The following LRCH1 variants were observed in gnomAD, a reference collection of about 807,000 sequenced individuals.
LRCH1 encodes leucine-rich repeat and calponin homology domain-containing protein 1.
In LRCH1, 23 loss-of-function variants were observed where a neutral mutation model predicts 94.9. The ratio of observed to expected loss-of-function variants is 0.24; its 90% CI spans 0.17 to 0.34. The LOEUF (loss-of-function observed/expected upper bound fraction) is 0.34, where lower values mean the gene tolerates loss of function less well. Among genes scored for constraint, LRCH1 ranks in the 10% least tolerant of loss-of-function variants. LRCH1 has a pLI of 1.00. For missense variants in LRCH1, 790 were observed against 945.9 expected (o/e 0.84, Z 2.16); for synonymous variants, 364 against 354.9 (o/e 1.03, Z -0.29).
In LRCH1 at chr13:46,577,621, A is replaced by G. The variant is rs546494179; in HGVS notation, c.307+23918A>G. 1.4e-4 allele frequency among the ~76,000 whole-genome samples: 21 copies of G among 152,350 alleles called. 2 individuals carry two copies. In the South Asian group the frequency reaches 2.9e-3, roughly 21 times the overall value. ...ATGAATGAAATGAATGAATTCTGATAGCTGGAAGCACAGCAACTAGCTTTT... is the reference window on the plus strand; with the variant it reads ...ATGAATGAAATGAATGAATTCTGATGGCTGGAAGCACAGCAACTAGCTTTT... On this transcript the variant is annotated intron_variant, in intron 1 of 19. Coordinates refer to ENST00000389797, the MANE Select transcript of LRCH1 (RefSeq NM_001164211.2).
At chr13:46,751,178 A>G (rs1293123909) in exon 19 of LRCH1, 3 of 152,148 alleles carry the variant, frequency 2.0e-5, no homozygotes, top group Admixed American at 2.0e-4. Flanking sequence ...TTTGGATGCA[A>G]ATTGTAAATT....
intron 16 of LRCH1, among the ~76,000 whole-genome samples, chr13:46,720,533 G>C (rs950850726): frequency 1.3e-5 from 2 of 152,118 alleles, no homozygotes; most frequent in African/African-American, 4.8e-5. Context: ...TGCTCACAGT[G>C]GGGGCTGCTT....
intron 18 of LRCH1, among the ~76,000 whole-genome samples, chr13:46,732,181 A>C (rs1873143644): frequency 6.6e-6 from 1 of 152,200 alleles, no homozygotes; most frequent in South Asian, 2.1e-4. Flanking sequence ...AAAGCATTCT[A>C]ATTCTTCATT....
Position 46,553,639 on chromosome 13 carries a change from G to A in LRCH1, c.243G>A (p.Arg81=). Residue 81 remains arginine, a synonymous_variant, in exon 1 of 20, where the codon AGG becomes AGA. Coordinates refer to ENST00000389797, the MANE Select transcript of LRCH1 (RefSeq NM_001164211.2). ...CCGGGGGGCTGAACCTGAGCGCCAGGAAATTGAAGGAATTTCCCCGTACCG... is the reference window on the plus strand; with the variant it reads ...CCGGGGGGCTGAACCTGAGCGCCAGAAAATTGAAGGAATTTCCCCGTACCG... ...ANSGGLNLSA[R]KLKEFPRTAA... is the part of the protein sequence containing the mutation. 3 of 1,603,354 alleles carry A rather than the reference G, an allele frequency of 1.9e-6. No homozygotes were observed. Among genetic ancestry groups the A allele is most frequent in the South Asian group, 2.2e-5 (2 of 89,326 alleles).
Position 46,617,890 on chromosome 13 carries a change from T to C in LRCH1, c.308-32311T>C, listed in dbSNP as rs941198640. Among the ~76,000 whole-genome samples the C allele has an allele frequency of 2.0e-5, 3 of 152,330 alleles. 1 individual carries two copies. The Middle Eastern group carries it at 0.01, about 518-fold the overall frequency. On this transcript the variant is annotated intron_variant, in intron 1 of 19. Transcript: ENST00000389797. ...TTCATTTGTTTATTCCTTCAACAAA[T>C]ATTTTTGAGAATTTGCTGAGCACTA...
At chr13:46,704,303 G>A (rs1237277463) in intron 11 of LRCH1, among the ~76,000 whole-genome samples, 2 of 151,968 alleles carry the variant, frequency 1.3e-5, no homozygotes, top group Non-Finnish European at 2.9e-5. Context: ...ACATTTCATA[G>A]ATCCAGGAAT....
chr13:46,629,306 G>A (rs1001495393), intron 1 of LRCH1, among the ~76,000 whole-genome samples: 17 of 151,910 alleles, frequency 1.1e-4, no homozygotes, highest in African/African-American at 3.1e-4. Context: ...GCCCATTTCT[G>A]TTTTTTATTT....
chr13:46,729,756 G>A (rs1332278412), intron 18 of LRCH1, among the ~76,000 whole-genome samples: 1 of 152,138 alleles, frequency 6.6e-6, no homozygotes, highest in Non-Finnish European at 1.5e-5. Flanking sequence ...GAGGATTTTA[G>A]GGATAGCCCT....
intron 6 of LRCH1, among the ~76,000 whole-genome samples, chr13:46,688,237 A>C (rs906491388): frequency 6.6e-6 from 1 of 152,260 alleles, no homozygotes; most frequent in Non-Finnish European, 1.5e-5. Flanking sequence ...CCTAATCAAT[A>C]ATCAGTTCTT....
chr13:46,600,784 T>C (rs1454261809), intron 1 of LRCH1, among the ~76,000 whole-genome samples: 2 of 152,244 alleles, frequency 1.3e-5, no homozygotes, highest in Non-Finnish European at 2.9e-5. Flanking sequence ...CATCATGCAG[T>C]TTAACAAATA....
chr13:46,744,683 G>A lies in LRCH1; in HGVS notation c.*2835G>A, dbSNP rs566571842. 2.0e-6 allele frequency: 2 copies of A among 985,434 alleles called. No individual in the cohort carries two copies. The highest frequency in any genetic ancestry group is 3.5e-5 in the African/African-American group (2 of 57,350). 61.0% of individuals were successfully genotyped at this position (985,434 alleles called of 1,614,324 possible). A position where few individuals can be genotyped will look rare whatever the true frequency, so the allele number is the denominator to read the frequency against. ...GCTGGGTTATCTCTCGAAAACTCATGTAGATGCCTGATTGAGTCATAAGGA... is the reference window on the plus strand; with the variant it reads ...GCTGGGTTATCTCTCGAAAACTCATATAGATGCCTGATTGAGTCATAAGGA... On this transcript the variant is annotated 3_prime_UTR_variant, in exon 20 of 20. Transcript: ENST00000389797.
chr13:46,648,954 G>A (rs895334100), intron 1 of LRCH1, among the ~76,000 whole-genome samples: 1 of 152,112 alleles, frequency 6.6e-6, no homozygotes, highest in Non-Finnish European at 1.5e-5. Context: ...TGTTTTGATA[G>A]TATAAGATCC....
intron 2 of LRCH1, among the ~76,000 whole-genome samples, chr13:46,650,648 G>C (rs1451439400): frequency 2.1e-5 from 3 of 143,010 alleles, no homozygotes; most frequent in Non-Finnish European, 4.5e-5. Flanking sequence ...TTGTCTTCAA[G>C]TATTCATGTA....
chr13:46,647,703 T>A (rs1488840554), intron 1 of LRCH1, among the ~76,000 whole-genome samples: 1 of 152,190 alleles, frequency 6.6e-6, no homozygotes, highest in East Asian at 1.9e-4. Flanking sequence ...CAACCCATGC[T>A]GTCCTGGTGC....
chr13:46,606,481 G>C (rs1245610613), intron 1 of LRCH1, among the ~76,000 whole-genome samples: 1 of 152,168 alleles, frequency 6.6e-6, no homozygotes, highest in Non-Finnish European at 1.5e-5. Context: ...CCCCTTCTGT[G>C]TTGTTCCTAC....
intron 1 of LRCH1, among the ~76,000 whole-genome samples, chr13:46,583,818 T>C (rs2137946901): frequency 6.6e-6 from 1 of 151,806 alleles, no homozygotes; most frequent in East Asian, 2.0e-4. Flanking sequence ...TGGAGTGCAG[T>C]GGCGCAATCT....
chr13:46,658,528 G>C (rs890899784), intron 2 of LRCH1, among the ~76,000 whole-genome samples: 3 of 152,130 alleles, frequency 2.0e-5, no homozygotes, highest in Admixed American at 6.5e-5. Flanking sequence ...CACTCAGGCC[G>C]GAGTGCAGTG....
At chr13:46,662,002 G>A (rs2051455073) in intron 2 of LRCH1, among the ~76,000 whole-genome samples, 2 of 152,170 alleles carry the variant, frequency 1.3e-5, no homozygotes, top group South Asian at 4.2e-4. Context: ...CACGAGGTCA[G>A]GAGTTTGAGA....
rs757004897 is a variant in LRCH1 at position 46,553,708 on chromosome 13, G to T, written c.307+5G>T. On this transcript the variant is annotated splice_donor_5th_base_variant and intron_variant, in intron 1 of 19. Transcript: ENST00000389797. ...TCTCGGACACGGTGCAGGCAGGTGA[G>T]TGAGGGCCGAGGGGCGGGCAGGGGT... 6.2e-7 allele frequency: 1 copy of T among 1,608,708 alleles called. No homozygotes were observed. The highest frequency in any genetic ancestry group is 1.1e-5 in the South Asian group (1 of 90,506).
Sources: gnomAD v4.1 joint callset for allele counts (sites outside exome capture counted in the v4.1 genomes callset) on GRCh38, gnomAD v4.1.1 for gene constraint, MANE v1.5 for transcripts, NCBI Gene and HGNC (gene_info 2026-07-23, HGNC 2026-07-21) for gene names.